The following TYW1 variants were observed in gnomAD, a reference collection of about 807,000 sequenced individuals.
TYW1 encodes the protein S-adenosyl-L-methionine-dependent tRNA 4-demethylwyosine synthase TYW1.
A neutral mutation model predicts 96.2 loss-of-function variants in TYW1; 46 were observed. The ratio of observed to expected loss-of-function variants is 0.48; its 90% CI spans 0.38 to 0.61. TYW1 has a LOEUF of 0.61. Among genes scored for constraint, TYW1 ranks in the 20% least tolerant of loss-of-function variants. The pLI, the probability that TYW1 is intolerant of heterozygous loss-of-function variation, is 0.00. For synonymous variants in TYW1, 274 were observed against 323.0 expected (o/e 0.85, Z 1.63); for missense variants, 684 against 909.6 (o/e 0.75, Z 3.19).
intron 9 of TYW1, among the ~76,000 whole-genome samples, chr7:67,059,374 A>G (rs1254584774): frequency 6.6e-6 from 1 of 151,954 alleles, no homozygotes; most frequent in East Asian, 1.9e-4. Context: ...AAGTGCTGGG[A>G]TTACAGGCGT....
intron 4 of TYW1, among the ~76,000 whole-genome samples, chr7:67,013,280 G>A (rs1324611247): frequency 4.6e-5 from 7 of 151,814 alleles, no homozygotes; most frequent in African/African-American, 9.7e-5. Context: ...CCACTACCAC[G>A]CTTGCCTAGT....
At chr7:67,102,721 G>A (rs529287129) in intron 12 of TYW1, among the ~76,000 whole-genome samples, 1 of 151,830 alleles carries the variant, frequency 6.6e-6, no homozygotes, top group South Asian at 2.1e-4. Flanking sequence ...GCGCCATCTC[G>A]GCTCACTACA....
At chr7:67,120,828 C>T (rs1051867079) in intron 13 of TYW1, among the ~76,000 whole-genome samples, 4 of 152,122 alleles carry the variant, frequency 2.6e-5, no homozygotes, top group Non-Finnish European at 5.9e-5. Flanking sequence ...ATTGTAATTA[C>T]TTTGGGTTTG....
intron 15 of TYW1, among the ~76,000 whole-genome samples, chr7:67,200,225 C>T (rs1257568674): frequency 1.3e-5 from 2 of 152,028 alleles, no homozygotes; most frequent in Non-Finnish European, 1.5e-5. Context: ...GTGTCAGGCA[C>T]ATGGGTATTC....
intron 13 of TYW1, among the ~76,000 whole-genome samples, chr7:67,159,455 T>C (rs893299514): frequency 2.6e-5 from 4 of 152,236 alleles, no homozygotes; most frequent in Non-Finnish European, 5.9e-5. Context: ...ATTTCATCAT[T>C]ATCAGCTTTA....
At chr7:67,178,565 T>G (rs1375728969) in intron 13 of TYW1, among the ~76,000 whole-genome samples, 1 of 152,206 alleles carries the variant, frequency 6.6e-6, no homozygotes, top group East Asian at 1.9e-4. Flanking sequence ...AATGGTTGAA[T>G]AACTTGTTGT....
chr7:67,209,304 G>C (rs889118253), intron 15 of TYW1, among the ~76,000 whole-genome samples: 26 of 152,332 alleles, frequency 1.7e-4, no homozygotes, highest in Middle Eastern at 3.4e-3. Flanking sequence ...GTGGCTGGGA[G>C]AAGGTGGTAC....
chr7:67,083,577 G>C (rs1796449341), intron 11 of TYW1, 38 bp downstream of exon 11: 1 of 1,599,734 alleles, frequency 6.3e-7, no homozygotes, highest in Non-Finnish European at 8.5e-7. Flanking sequence ...GCTAATACCT[G>C]TTAATAGTCT....
At chr7:67,154,274 T>G (rs1426775153) in intron 13 of TYW1, among the ~76,000 whole-genome samples, 1 of 152,202 alleles carries the variant, frequency 6.6e-6, no homozygotes, top group Non-Finnish European at 1.5e-5. Context: ...TATAAACAGT[T>G]GAGCATACTT....
intron 13 of TYW1, among the ~76,000 whole-genome samples, chr7:67,132,414 A>AG (rs1798109185): frequency 6.6e-6 from 1 of 152,134 alleles, no homozygotes; most frequent in Non-Finnish European, 1.5e-5. Context: ...CTGGCCTATC[A>AG]TTCCATATTT....
intron 13 of TYW1, among the ~76,000 whole-genome samples, chr7:67,147,496 G>A (rs1019031858): frequency 4.6e-5 from 7 of 152,088 alleles, no homozygotes; most frequent in African/African-American, 1.7e-4. Flanking sequence ...TGTCATGGGA[G>A]TTCGTTGTAC....
At chr7:67,173,486 G>A (rs1202829980) in intron 13 of TYW1, among the ~76,000 whole-genome samples, 1 of 152,180 alleles carries the variant, frequency 6.6e-6, no homozygotes, top group Non-Finnish European at 1.5e-5. Flanking sequence ...TTGCTGTACT[G>A]TTTCCTAGTG....
At chr7:67,014,597 C>G (rs772589111) in intron 5 of TYW1, 36 bp downstream of exon 5, 1 of 1,576,450 alleles carries the variant, frequency 6.3e-7, no homozygotes, top group Admixed American at 1.8e-5. Flanking sequence ...TAAATTCTCC[C>G]CATAAACACA....
chr7:67,080,430 G>A (rs947708623), intron 10 of TYW1, among the ~76,000 whole-genome samples: 2 of 148,044 alleles, frequency 1.4e-5, no homozygotes, highest in African/African-American at 2.5e-5. Flanking sequence ...ATTTGAGATG[G>A]AATCCTGCTC....
chr7:66,999,436 C>T (rs1044981943), intron 3 of TYW1, among the ~76,000 whole-genome samples: 13 of 152,132 alleles, frequency 8.5e-5, no homozygotes, highest in African/African-American at 3.1e-4. Context: ...CTCACTGCAA[C>T]CTCCACCTCC....
chr7:67,023,310 T>G (rs1393566736), intron 6 of TYW1, among the ~76,000 whole-genome samples: 6 of 152,044 alleles, frequency 3.9e-5, no homozygotes, highest in Non-Finnish European at 7.4e-5. Flanking sequence ...TTGGTCAGGC[T>G]TGTCTCGAAC....
chr7:67,167,816 G>A (rs185109531), intron 13 of TYW1, among the ~76,000 whole-genome samples: 27 of 151,862 alleles, frequency 1.8e-4, no homozygotes, highest in Admixed American at 1.4e-3. Context: ...GTGCAGTAGC[G>A]CGATCTCAGT....
rs11286327 is a variant in TYW1, at chr7:67,207,681, C to CTT, written c.1977+12355_1977+12356dup. 7.8e-3 allele frequency among the ~76,000 whole-genome samples: 912 copies of CTT among 116,556 alleles called. 16 individuals carry two copies. Among genetic ancestry groups the CTT allele is most frequent in the African/African-American group, 0.027 (843 of 30,894 alleles). The allele number at this position is 116,556 out of a possible 152,430, so 76.5% of individuals were successfully genotyped here. ...TATCTACTTCACAAATTTTGTTTGC[C>CTT]TTTTTTTTTTTTGGAGATGGAGTCA... On this transcript the variant is annotated intron_variant, in intron 15 of 15. Coordinates refer to ENST00000359626, the MANE Select transcript of TYW1 (RefSeq NM_018264.4).
At chr7:67,220,211 T>C (rs1244525376) in intron 15 of TYW1, among the ~76,000 whole-genome samples, 1 of 135,266 alleles carries the variant, frequency 7.4e-6, no homozygotes, top group African/African-American at 2.9e-5. Context: ...ATTTTTTTTT[T>C]TTTTTTTTTT....
Sources: allele counts gnomAD v4.1 joint callset (sites outside exome capture counted in the v4.1 genomes callset), GRCh38; gene constraint gnomAD v4.1.1; transcripts MANE v1.5; gene names NCBI Gene and HGNC (gene_info 2026-07-23, HGNC 2026-07-21).